Variants in FLG observed in about 807,000 individuals in gnomAD.
FLG encodes epidermal filaggrin.
FLG carries 6 observed loss-of-function variants against 3.8 expected under a neutral mutation model. That is an observed-to-expected ratio of 1.60 (90% CI 0.87 to 3.15). FLG has a LOEUF of 3.15. FLG is among the 30% of genes most tolerant of loss of function. The probability of loss-of-function intolerance (pLI) is 0.00; values close to 1 mark genes in which losing one functional copy is unlikely to be tolerated. For missense variants in FLG, 7,595 were observed against 5,050.9 expected, an observed-to-expected ratio of 1.50 and a Z score of -15.27; for synonymous variants, 2,551 against 1,931.6, an observed-to-expected ratio of 1.32 and a Z score of -8.41.
At position 152,313,381 on chromosome 1, in the gene FLG, T is replaced by C; in HGVS notation, c.1505A>G (p.Asp502Gly). The C allele has an allele frequency of 6.2e-7, 1 of 1,613,740 alleles. No homozygotes were observed. Among genetic ancestry groups the C allele is most frequent in the Non-Finnish European group, 8.5e-7 (1 of 1,179,878 alleles). Residue 502 changes from aspartate (D) to glycine (G), a missense_variant, in exon 3 of 3, where the codon GAC (aspartate) becomes GGC (glycine). Coordinates refer to ENST00000368799, the MANE Select transcript of FLG (RefSeq NM_002016.2). ...TTGGGACGCTGAATGCCTGGAGCTGTCTCGTGCCTGCTCGTGGTGCGATCC... is the reference window on the plus strand; with the variant it reads ...TTGGGACGCTGAATGCCTGGAGCTGCCTCGTGCCTGCTCGTGGTGCGATCC... ...RQGSHHEQARDSSRHSASQEG... is the reference protein window; with the variant it reads ...RQGSHHEQARGSSRHSASQEG...
At position 152,305,737 on chromosome 1, in the gene FLG, C is replaced by G. The variant is rs760392313; in HGVS notation, c.9149G>C (p.Gly3050Ala). The G allele has an allele frequency of 9.1e-6, 11 of 1,212,348 alleles. No individual in the cohort carries two copies. The Admixed American group carries it at 9.7e-5, about 11-fold the overall frequency. The allele number at this position is 1,212,348 out of a possible 1,614,324, so 75.1% of individuals were successfully genotyped here. A position where few individuals can be genotyped will look rare whatever the true frequency, so the allele number is the denominator to read the frequency against. ...HQQSHQESARGRSGETSGHSG... is the reference protein window; with the variant it reads ...HQQSHQESARARSGETSGHSG... ...ATGTCCAGACGTTTCCCCTGACCGG[C>G]CACGTGCGGACTCTTGGTGGCTCTG... The change falls in exon 3 of 3, where the codon GGC (glycine) becomes GCC (alanine). Residue 3050 changes from glycine (G) to alanine (A), a missense_variant. Coordinates refer to ENST00000368799, the MANE Select transcript of FLG (RefSeq NM_002016.2).
In FLG at chr1:152,304,744, C is replaced by T. The variant is rs138467776; in HGVS notation, c.10142G>A (p.Gly3381Glu). The T allele has an allele frequency of 1.6e-5, 26 of 1,613,568 alleles. No homozygotes were observed. The African/African-American group carries it at 2.9e-4, about 18-fold the overall frequency. Residue 3381 changes from glycine to glutamate, a missense_variant, in exon 3 of 3, where the codon GGA (glycine) becomes GAA (glutamate). Transcript: ENST00000368799. ...SARDRSGGRS[G>E]RSGSFLYQVS... ...CTGGTAGAGGAAAGACCCTGAACGT[C>T]CAGACCTTCCCCCTGACCGGTCACG...
intron 1 of FLG, among the ~76,000 whole-genome samples, chr1:152,320,781 C>T (rs1652937325): frequency 6.6e-6 from 1 of 150,740 alleles, no homozygotes; most frequent in Non-Finnish European, 1.5e-5. Flanking sequence ...ATATACTGGG[C>T]CATAAAGCAA....
rs1218348577 is a variant in FLG, at chr1:152,303,701, G to T, written c.11185C>A (p.Pro3729Thr). 6.2e-7 allele frequency: 1 copy of T among 1,613,952 alleles called. No individual in the cohort carries two copies. Among genetic ancestry groups the T allele is most frequent in the Non-Finnish European group, 8.5e-7 (1 of 1,179,966 alleles). The stretch of plus-strand genomic sequence containing the variant: ...GATCCTTGTCTTCCTCCAGTACTGG[G>T]CCCAGCCCGTCCATGGGCAGACTCA... ...QSESAHGRAG[P>T]STGGRQGSRH... Residue 3729 changes from proline to threonine, a missense_variant, in exon 3 of 3, where the codon CCC becomes ACC. Coordinates refer to ENST00000368799, the MANE Select transcript of FLG (RefSeq NM_002016.2).
chr1:152,322,051 C>G (rs923220086), intron 1 of FLG, among the ~76,000 whole-genome samples: 1 of 151,092 alleles, frequency 6.6e-6, no homozygotes, highest in Non-Finnish European at 1.5e-5. Context: ...ATATGAACCT[C>G]TCAATAGATG....
rs141368651 is a variant in FLG, at chr1:152,304,069, G to T, written c.10817C>A (p.Ser3606Tyr). Reference sequence around the variant, plus strand: ...GGATGATGCAGCCTGTCCACCAGAGGAATTCTCTGCATGATGAGTGCCTGA... The same window carrying T: ...GGATGATGCAGCCTGTCCACCAGAGTAATTCTCTGCATGATGAGTGCCTGA... ...RQSGTHHAEN[S>Y]SGGQAASSHE... Residue 3606 changes from serine (S) to tyrosine (Y), a missense_variant, in exon 3 of 3, where the codon TCC becomes TAC. By Grantham distance (144) the Ser-to-Tyr change is moderately radical (BLOSUM62 -2). Coordinates refer to ENST00000368799, the MANE Select transcript of FLG (RefSeq NM_002016.2). 2 of 1,612,822 alleles carry T rather than the reference G, an allele frequency of 1.2e-6. No individual in the cohort carries two copies. Among genetic ancestry groups the T allele is most frequent in the Non-Finnish European group, 1.7e-6 (2 of 1,179,928 alleles).
Position 152,311,087 on chromosome 1 carries a change from C to T in FLG, c.3799G>A (p.Gly1267Arg). 6.2e-7 allele frequency: 1 copy of T among 1,613,874 alleles called. No individual in the cohort carries two copies. The highest frequency in any genetic ancestry group is 8.5e-7 in the Non-Finnish European group (1 of 1,179,966). ...SSGSRTSRHQ[G>R]SSVSQDSDSE... ...TCACTGTCCTGGCTAACACTGGATC[C>T]CTGGTGCCTGCTTGTCCTGGACCCC... The change falls in exon 3 of 3, where the codon GGA (glycine) becomes AGA (arginine). Residue 1267 changes from glycine (G) to arginine (R), a missense_variant. Transcript: ENST00000368799.
At chr1:152,321,052 CTA>C (rs201366856) in intron 1 of FLG, among the ~76,000 whole-genome samples, 60 of 149,930 alleles carry the variant, frequency 4.0e-4, no homozygotes, top group Non-Finnish European at 6.3e-4. Context: ...TATTTATAGC[CTA>C]TATATATATA....
Position 152,303,296 on chromosome 1 carries a change from T to A in FLG, c.11590A>T (p.Ser3864Cys). Reference protein sequence around the residue: ...RRSRRQGSSVSQDSDSEAYPE... With the variant: ...RRSRRQGSSVCQDSDSEAYPE... The stretch of plus-strand genomic sequence containing the variant: ...TATGCCTCACTGTCACTGTCCTGGC[T>A]AACACTGGATCCCTGGCGCCTGCTT... Residue 3864 changes from serine to cysteine, a missense_variant, in exon 3 of 3, where the codon AGC becomes TGC. Transcript: ENST00000368799. The A allele has an allele frequency of 6.2e-7, 1 of 1,614,106 alleles. No homozygotes were observed. Among genetic ancestry groups the A allele is most frequent in the Non-Finnish European group, 8.5e-7 (1 of 1,180,006 alleles).
In FLG at chr1:152,314,761, A is replaced by G. The variant is rs748256354; in HGVS notation, c.139-14T>C. ...GTCATCTGGATTCTGTACAGAGGGA[A>G]GTCACAGAGGGAGACTGCATCAGAC... is the stretch of plus-strand genomic sequence containing the variant. On this transcript the variant is annotated splice_polypyrimidine_tract_variant and intron_variant, in intron 2 of 2. Coordinates refer to ENST00000368799, the MANE Select transcript of FLG (RefSeq NM_002016.2). 1 of 1,613,856 alleles carries G rather than the reference A, an allele frequency of 6.2e-7. No individual in the cohort carries two copies. Among genetic ancestry groups the G allele is most frequent in the Non-Finnish European group, 8.5e-7 (1 of 1,179,798 alleles).
Position 152,304,882 on chromosome 1 carries a change from G to A in FLG, c.10004C>T (p.Ser3335Phe), listed in dbSNP as rs376328431. The change falls in exon 3 of 3, where the codon TCC (serine) becomes TTC (phenylalanine). Residue 3335 changes from serine (S) to phenylalanine (F), a missense_variant. By Grantham distance (155) the Ser-to-Phe change is radical. Coordinates refer to ENST00000368799, the MANE Select transcript of FLG (RefSeq NM_002016.2). ...SAVRDSRHWG[S>F]SGSQASDSEG... ...ACTATCACTGGCCTGACTACCACTG[G>A]ACCCCCAGTGTCTACTGTCTCTGAC... The A allele has an allele frequency of 1.2e-6, 2 of 1,613,660 alleles. No individual in the cohort carries two copies.
chr1:152,308,839 C>G lies in FLG; in HGVS notation c.6047G>C (p.Ser2016Thr). 3 of 1,614,202 alleles carry G rather than the reference C, an allele frequency of 1.9e-6. No homozygotes were observed. Among genetic ancestry groups the G allele is most frequent in the Non-Finnish European group, 2.5e-6 (3 of 1,180,040 alleles). Residue 2016 changes from serine to threonine, a missense_variant, in exon 3 of 3, where the codon AGC becomes ACC. By Grantham distance (58) the Ser-to-Thr change is moderately conservative. Coordinates refer to ENST00000368799, the MANE Select transcript of FLG (RefSeq NM_002016.2). ...GSHHQLQSAD[S>T]SRHSGIGHGQ... ...ATGCCCAATGCCTGAGTGTCTGGAG[C>G]TGTCTGCTGACTGGAGCTGGTGGTG...
rs1245272085 is a variant in FLG, at chr1:152,312,397, C to T, written c.2489G>A (p.Arg830Lys). The T allele has an allele frequency of 1.2e-6, 2 of 1,613,264 alleles. No individual in the cohort carries two copies. The highest frequency in any genetic ancestry group is 2.2e-5 in the East Asian group (1 of 44,790). ...CTGACCATCTTGGGATGCTGAGTGC[C>T]TGGAGTTGTCTCGTGCCTGCTCATG... ...SHHEQARDNSRHSASQDGQDT... is the reference protein window; with the variant it reads ...SHHEQARDNSKHSASQDGQDT... Residue 830 changes from arginine to lysine, a missense_variant, in exon 3 of 3, where the codon AGG becomes AAG. Coordinates refer to ENST00000368799, the MANE Select transcript of FLG (RefSeq NM_002016.2).
At chr1:152,324,791 A>ATTTTC (rs1653096907) in intron 1 of FLG, among the ~76,000 whole-genome samples, 1 of 151,576 alleles carries the variant, frequency 6.6e-6, no homozygotes, top group Admixed American at 6.6e-5. Flanking sequence ...TCACTCTTTT[A>ATTTTC]TTTTCTTCAT....
chr1:152,307,247 A>C lies in FLG; in HGVS notation c.7639T>G (p.Ser2547Ala), dbSNP rs1326434014. 6.2e-7 allele frequency: 1 copy of C among 1,612,408 alleles called. No homozygotes were observed. Among genetic ancestry groups the C allele is most frequent in the Non-Finnish European group, 8.5e-7 (1 of 1,179,950 alleles). ...TCTGATTGTCCCTGGCCCACCTGCG[A>C]GTGTCCAGAGCTGTCGGCCCGAGAG... ...ASSRADSSGHSQVGQGQSEGP... is the reference protein window; with the variant it reads ...ASSRADSSGHAQVGQGQSEGP... Residue 2547 changes from serine to alanine, a missense_variant, in exon 3 of 3, where the codon TCG becomes GCG. Physicochemically the swap from Ser to Ala is moderately conservative, Grantham distance 99 (BLOSUM62 1). Transcript: ENST00000368799.
chr1:152,312,411 T>C lies in FLG; in HGVS notation c.2475A>G (p.Ala825=), dbSNP rs751418690. The change falls in exon 3 of 3, where the codon GCA becomes GCG. Residue 825 remains alanine (A), a synonymous_variant. Transcript: ENST00000368799. The part of the protein sequence containing the change: ...GVRQGSHHEQ[A]RDNSRHSASQ... ...ATGCTGAGTGCCTGGAGTTGTCTCG[T>C]GCCTGCTCATGGTGGGATCCTTGTC... The C allele has an allele frequency of 1.2e-6, 2 of 1,613,408 alleles. No individual in the cohort carries two copies. Among genetic ancestry groups the C allele is most frequent in the Non-Finnish European group, 1.7e-6 (2 of 1,179,818 alleles).
In FLG at chr1:152,307,045, G is replaced by T; in HGVS notation, c.7841C>A (p.Ala2614Asp). 1 of 1,606,216 alleles carries T rather than the reference G, an allele frequency of 6.2e-7. No homozygotes were observed. Among genetic ancestry groups the T allele is most frequent in the Non-Finnish European group, 8.5e-7 (1 of 1,178,860 alleles). ...GCTGTCTGCAGAGTGCCCATGACCA[G>T]CTCTGTCTTCTTGATGGGACCTGGG... Reference protein sequence around the residue: ...RHPRSHQEDRAGHGHSADSSR... With the variant: ...RHPRSHQEDRDGHGHSADSSR... Residue 2614 changes from alanine (A) to aspartate (D), a missense_variant, in exon 3 of 3, where the codon GCT becomes GAT. Coordinates refer to ENST00000368799, the MANE Select transcript of FLG (RefSeq NM_002016.2).
Position 152,313,369 on chromosome 1 carries a change from T to C in FLG, c.1517A>G (p.His506Arg). Reference sequence around the variant, plus strand: ...GTCCTGACCCTCTTGGGACGCTGAATGCCTGGAGCTGTCTCGTGCCTGCTC... The same window carrying C: ...GTCCTGACCCTCTTGGGACGCTGAACGCCTGGAGCTGTCTCGTGCCTGCTC... Reference protein sequence around the residue: ...HHEQARDSSRHSASQEGQDTI... With the variant: ...HHEQARDSSRRSASQEGQDTI... Residue 506 changes from histidine (H) to arginine (R), a missense_variant, in exon 3 of 3, where the codon CAT (histidine) becomes CGT (arginine). Transcript: ENST00000368799. 1.9e-6 allele frequency: 3 copies of C among 1,613,628 alleles called. No homozygotes were observed. Among genetic ancestry groups the C allele is most frequent in the Non-Finnish European group, 2.5e-6 (3 of 1,179,866 alleles).
In FLG at chr1:152,314,190, A is replaced by G. The variant is rs1449078222; in HGVS notation, c.696T>C (p.His232=). The change falls in exon 3 of 3, where the codon CAT becomes CAC. Residue 232 remains histidine (H), a synonymous_variant. Coordinates refer to ENST00000368799, the MANE Select transcript of FLG (RefSeq NM_002016.2). ...RMTQKWIQSG[H]IATYYTIQDE... is the part of the protein sequence containing the mutation. ...CCTGGATTGTGTAATATGTGGCAAT[A>G]TGGCCTGATTGTATCCATTTTTGAG... The G allele has an allele frequency of 6.2e-7, 1 of 1,614,084 alleles. No homozygotes were observed. Among genetic ancestry groups the G allele is most frequent in the Admixed American group, 1.7e-5 (1 of 60,026 alleles).
Sources: gnomAD v4.1 joint callset for allele counts (sites outside exome capture counted in the v4.1 genomes callset) on GRCh38, gnomAD v4.1.1 for gene constraint, MANE v1.5 for transcripts, NCBI Gene and HGNC (gene_info 2026-07-23, HGNC 2026-07-21) for gene names.